SPOCK1: variants seen among roughly 807,000 people sequenced by gnomAD.
SPOCK1 encodes the protein SPARC (osteonectin), cwcv and kazal like domains proteoglycan 1.
A neutral mutation model predicts 55.3 loss-of-function variants in SPOCK1; 23 were observed. That is an observed-to-expected ratio of 0.42 (90% CI 0.30 to 0.59). The LOEUF is 0.59. Ranked by LOEUF, SPOCK1 falls within the 20% of genes least tolerant of loss-of-function variation. The pLI is 0.22. For synonymous variants in SPOCK1, 226 were observed against 221.0 expected (o/e 1.02, Z -0.20); for missense variants, 499 against 552.5 (o/e 0.90, Z 0.97).
intron 3 of SPOCK1, among the ~76,000 whole-genome samples, chr5:137,190,061 T>A (rs1391842656): frequency 6.8e-6 from 1 of 147,882 alleles, no homozygotes. Flanking sequence ...TTCCTATGGA[T>A]GAGAAAAGAA....
At chr5:137,343,940 G>A (rs1267076744) in intron 2 of SPOCK1, among the ~76,000 whole-genome samples, 1 of 152,190 alleles carries the variant, frequency 6.6e-6, no homozygotes, top group Non-Finnish European at 1.5e-5. Context: ...TCATAGAACA[G>A]GATCAGCAAG....
chr5:137,364,934 G>C (rs981688438), intron 2 of SPOCK1: 1 of 152,218 alleles, frequency 6.6e-6, no homozygotes, highest in Non-Finnish European at 1.5e-5. Flanking sequence ...CATGCAAACT[G>C]CTCCTTCATA....
rs796667572 is a variant in SPOCK1, at chr5:137,356,873, A to AGAGAGAGAGAGAGTGT, written c.187-89819_187-89818insACACTCTCTCTCTCTC. On this transcript the variant is annotated intron_variant, in intron 2 of 10. Transcript: ENST00000394945. Reference sequence around the variant, plus strand: ...GAGAGAGAGAGAGAGAGAGAGAGAGAGAGTATGCAGACCAACCAGGGGGCC... The same window carrying AGAGAGAGAGAGAGTGT: ...GAGAGAGAGAGAGAGAGAGAGAGAGAGAGAGAGAGAGAGTGTGAGTATGCAGACCAACCAGGGGGCC... 5.7e-5 allele frequency among the ~76,000 whole-genome samples: 4 copies of AGAGAGAGAGAGAGTGT among 69,824 alleles called. 1 individual carries two copies. The East Asian group carries it at 2.3e-3, about 41-fold the overall frequency. The allele number at this position is 69,824 out of a possible 152,430, so 45.8% of individuals were successfully genotyped here.
At chr5:137,244,815 A>T (rs569847181) in intron 3 of SPOCK1, among the ~76,000 whole-genome samples, 1 of 152,342 alleles carries the variant, frequency 6.6e-6, no homozygotes, top group South Asian at 2.1e-4. Flanking sequence ...GCTCTCTGCC[A>T]TGCCAGTTTC....
At chr5:137,157,776 G>A (rs1364142647) in intron 3 of SPOCK1, among the ~76,000 whole-genome samples, 1 of 152,160 alleles carries the variant, frequency 6.6e-6, no homozygotes, top group African/African-American at 2.4e-5. Flanking sequence ...ACTTGCATAT[G>A]GGGCCAGGCA....
chr5:137,093,901 A>G (rs1753094482), intron 5 of SPOCK1, among the ~76,000 whole-genome samples: 1 of 152,230 alleles, frequency 6.6e-6, no homozygotes, highest in African/African-American at 2.4e-5. Flanking sequence ...GTGAGGGGAA[A>G]GGAATAGGCT....
chr5:137,187,820 A>G (rs1222165572), intron 3 of SPOCK1, among the ~76,000 whole-genome samples: 1 of 152,048 alleles, frequency 6.6e-6, no homozygotes, highest in Non-Finnish European at 1.5e-5. Flanking sequence ...CCCCTCAGCA[A>G]CTCTCAGTGA....
chr5:137,038,916 A>G (rs1207092014), intron 6 of SPOCK1, among the ~76,000 whole-genome samples: 1 of 152,236 alleles, frequency 6.6e-6, no homozygotes, highest in Non-Finnish European at 1.5e-5. Context: ...TGTCCGGCAT[A>G]TAGTAGGAAA....
chr5:137,302,409 A>AT (rs1408896084), intron 2 of SPOCK1, among the ~76,000 whole-genome samples: 2 of 23,276 alleles, frequency 8.6e-5, no homozygotes, highest in Admixed American at 6.0e-4. Flanking sequence ...CTCTACTAAA[A>AT]ATACAAAAAA....
At chr5:136,981,648 C>T (rs1052528447) in intron 9 of SPOCK1, among the ~76,000 whole-genome samples, 17 of 152,002 alleles carry the variant, frequency 1.1e-4, no homozygotes, top group Non-Finnish European at 1.8e-4. Context: ...GTGTTGTGGC[C>T]GGTAAGTTTG....
At chr5:137,314,404 C>T (rs1266641347) in intron 2 of SPOCK1, among the ~76,000 whole-genome samples, 1 of 152,150 alleles carries the variant, frequency 6.6e-6, no homozygotes. Context: ...TTAGAAGTGA[C>T]ACATGATTCC....
At chr5:137,116,549 G>A (rs1753584276) in intron 4 of SPOCK1, among the ~76,000 whole-genome samples, 2 of 152,008 alleles carry the variant, frequency 1.3e-5, no homozygotes, top group Middle Eastern at 3.2e-3. Flanking sequence ...GGGAGGCTGA[G>A]GCAGGAGAAT....
intron 4 of SPOCK1, among the ~76,000 whole-genome samples, chr5:137,116,794 A>T (rs1371110892): frequency 6.6e-6 from 1 of 151,964 alleles, no homozygotes; most frequent in African/African-American, 2.4e-5. Flanking sequence ...ACCACGACCA[A>T]CATCAATTTT....
chr5:137,102,962 A>G (rs142492269), intron 5 of SPOCK1, among the ~76,000 whole-genome samples: 16 of 152,200 alleles, frequency 1.1e-4, no homozygotes, highest in African/African-American at 3.6e-4. Context: ...GATAACCCCA[A>G]TATCTACTCT....
At chr5:136,994,670 CT>C (rs1375633990) in intron 6 of SPOCK1, among the ~76,000 whole-genome samples, 2 of 151,094 alleles carry the variant, frequency 1.3e-5, no homozygotes, top group Non-Finnish European at 2.9e-5. Context: ...AAAATAGTTG[CT>C]TGTGTTATCT....
intron 3 of SPOCK1, among the ~76,000 whole-genome samples, chr5:137,258,934 T>A (rs902296653): frequency 2.0e-5 from 3 of 152,090 alleles, no homozygotes; most frequent in African/African-American, 7.2e-5. Flanking sequence ...CTTTGTGAAG[T>A]CAGGGTGAAG....
intron 2 of SPOCK1, among the ~76,000 whole-genome samples, chr5:137,426,879 G>C (rs761961893): frequency 5.3e-5 from 8 of 152,100 alleles, no homozygotes; most frequent in South Asian, 4.1e-4. Context: ...TCCATAAGGT[G>C]CACCACAATA....
intron 5 of SPOCK1, among the ~76,000 whole-genome samples, chr5:137,070,662 G>GCCT (rs1432328071): frequency 3.3e-5 from 5 of 152,164 alleles, no homozygotes; most frequent in Non-Finnish European, 7.3e-5. Flanking sequence ...TCCCTGAGAC[G>GCCT]CCTCTTTGAG....
chr5:137,131,348 G>T (rs1042589369), intron 4 of SPOCK1, among the ~76,000 whole-genome samples: 3 of 152,232 alleles, frequency 2.0e-5, no homozygotes, highest in African/African-American at 7.2e-5. Flanking sequence ...GGCGGCTCAC[G>T]CCTGTAATCC....
Sources: gnomAD v4.1 joint callset for allele counts (sites outside exome capture counted in the v4.1 genomes callset) on GRCh38, gnomAD v4.1.1 for gene constraint, MANE v1.5 for transcripts, NCBI Gene and HGNC (gene_info 2026-07-23, HGNC 2026-07-21) for gene names.